Variants in STK32B observed in about 807,000 individuals in gnomAD.
STK32B encodes serine/threonine kinase 32B.
Under a neutral mutation model 52.6 loss-of-function variants are expected in STK32B, and 43 were observed. The ratio of observed to expected loss-of-function variants is 0.82; its 90% CI spans 0.64 to 1.05. STK32B has a LOEUF of 1.05. Ranked by LOEUF, STK32B falls within the 50% of genes least tolerant of loss-of-function variation. STK32B has a pLI of 0.00. For synonymous variants in STK32B, 238 were observed against 204.3 expected (o/e 1.17, Z -1.41); for missense variants, 621 against 534.6 (o/e 1.16, Z -1.59).
intron 8 of STK32B, among the ~76,000 whole-genome samples, chr4:5,459,290 C>G (rs1044054193): frequency 4.7e-5 from 7 of 149,812 alleles, no homozygotes; most frequent in African/African-American, 9.9e-5. Context: ...GTGCCCCCCC[C>G]CCCCACCTTT....
At chr4:5,334,535 G>A (rs1329954924) in intron 4 of STK32B, among the ~76,000 whole-genome samples, 2 of 152,146 alleles carry the variant, frequency 1.3e-5, no homozygotes, top group African/African-American at 2.4e-5. Context: ...TGGTGAGAGA[G>A]GGCATCCGTG....
At chr4:5,215,495 T>C (rs1452007832) in intron 3 of STK32B, among the ~76,000 whole-genome samples, 9 of 152,196 alleles carry the variant, frequency 5.9e-5, no homozygotes. Context: ...CCTTTTGATT[T>C]CCAATAGAGG....
intron 3 of STK32B, among the ~76,000 whole-genome samples, chr4:5,240,051 CTTCT>C (rs1724906482): frequency 8.3e-6 from 1 of 120,116 alleles, no homozygotes; most frequent in South Asian, 2.4e-4. Flanking sequence ...CTTCATTTCT[CTTCT>C]CTCTCTCTCT....
intron 3 of STK32B, among the ~76,000 whole-genome samples, chr4:5,262,541 C>T (rs887962662): frequency 2.0e-5 from 3 of 150,422 alleles, no homozygotes; most frequent in Non-Finnish European, 2.9e-5. Flanking sequence ...AGGAGAATGG[C>T]GTGAACCTGG....
intron 3 of STK32B, among the ~76,000 whole-genome samples, chr4:5,287,829 A>G (rs1043728010): frequency 6.6e-6 from 1 of 152,284 alleles, no homozygotes; most frequent in South Asian, 2.1e-4. Flanking sequence ...AGTTTTTAAT[A>G]TATTCAGAGT....
chr4:5,335,175 G>T (rs1732569183), intron 4 of STK32B, among the ~76,000 whole-genome samples: 1 of 152,212 alleles, frequency 6.6e-6, no homozygotes, highest in South Asian at 2.1e-4. Context: ...GATCTATTCA[G>T]AGATTCATCT....
rs890308847 is a variant in STK32B at position 5,148,380 on chromosome 4, A to G, written c.108+8420A>G. Among the ~76,000 whole-genome samples, 12 of 151,950 alleles carry G rather than the reference A, an allele frequency of 7.9e-5. No homozygotes were observed. In the East Asian group the frequency reaches 2.3e-3, roughly 29 times the overall value. On this transcript the variant is annotated intron_variant, in intron 2 of 11. Transcript: ENST00000282908. The stretch of plus-strand genomic sequence containing the variant: ...TGTTCTAATATAAGCATTTTAAGCT[A>G]TAAATTTTCCTCTAAGGACTGCTTA...
At chr4:5,315,069 C>G (rs1730572434) in intron 3 of STK32B, among the ~76,000 whole-genome samples, 1 of 151,982 alleles carries the variant, frequency 6.6e-6, no homozygotes, top group Non-Finnish European at 1.5e-5. Context: ...ATTTGCAAAC[C>G]ACATATTTGA....
intron 11 of STK32B, 61 bp from the exon 12 acceptor site, chr4:5,498,884 C>G (rs1347521884): frequency 6.5e-7 from 1 of 1,536,406 alleles, no homozygotes; most frequent in Non-Finnish European, 8.8e-7. Context: ...CAGTGTGTCT[C>G]CTGGATGTGC....
At chr4:5,019,688 C>A in the STK32B span, among the ~76,000 whole-genome samples, 1 of 152,108 alleles carries the variant, frequency 6.6e-6, no homozygotes, top group African/African-American at 2.4e-5. Context: ...GGCTTTGCCT[C>A]CCCCACACTT....
At chr4:5,331,119 C>T (rs1178970500) in intron 3 of STK32B, 101 bp from the exon 4 acceptor site, 1 of 1,203,080 alleles carries the variant, frequency 8.3e-7, no homozygotes, top group Non-Finnish European at 1.2e-6. Flanking sequence ...CAGTGCCTCT[C>T]TCTGAGCCTC....
At chr4:5,100,000 TAA>T (rs111555214) in intron 1 of STK32B, among the ~76,000 whole-genome samples, 1 of 139,654 alleles carries the variant, frequency 7.2e-6, no homozygotes. Flanking sequence ...TTCAGTTCTT[TAA>T]AAAAAAAAAA....
chr4:5,421,985 G>T (rs757507465), intron 6 of STK32B, among the ~76,000 whole-genome samples: 71 of 152,176 alleles, frequency 4.7e-4, no homozygotes, highest in Non-Finnish European at 5.1e-4. Flanking sequence ...CTGCCTTTTT[G>T]ACACTGAGCT....
intron 7 of STK32B, among the ~76,000 whole-genome samples, chr4:5,455,324 T>C (rs1716401161): frequency 6.6e-6 from 1 of 152,222 alleles, no homozygotes; most frequent in African/African-American, 2.4e-5. Flanking sequence ...CCACACAACA[T>C]GTAGGCTCGA....
chr4:5,021,382 G>T, the STK32B span, among the ~76,000 whole-genome samples: 1 of 152,216 alleles, frequency 6.6e-6, no homozygotes, highest in Non-Finnish European at 1.5e-5. Context: ...GTGTGTGCTT[G>T]GAGGTGGCAA....
chr4:5,181,368 A>ACAC (rs55675121), intron 3 of STK32B, among the ~76,000 whole-genome samples: 17 of 95,466 alleles, frequency 1.8e-4, no homozygotes, highest in African/African-American at 4.3e-4. Flanking sequence ...ACACACACAC[A>ACAC]GAGATCTCAT....
intron 3 of STK32B, among the ~76,000 whole-genome samples, chr4:5,256,402 G>T (rs975480704): frequency 6.6e-6 from 1 of 152,208 alleles, no homozygotes; most frequent in Non-Finnish European, 1.5e-5. Flanking sequence ...TGGTTGTGGG[G>T]TATGGATCTG....
At chr4:5,069,396 C>T (rs1295426587) in intron 1 of STK32B, among the ~76,000 whole-genome samples, 2 of 152,076 alleles carry the variant, frequency 1.3e-5, no homozygotes, top group African/African-American at 2.4e-5. Context: ...GTTCCACCTT[C>T]CAGCCCAGCT....
Position 5,140,928 on chromosome 4 carries a change from A to G in STK32B, c.108+968A>G, listed in dbSNP as rs187320692. ...AAAAAATGAGAGAGATGCGAAACAG[A>G]TAATTGTATACCTTTATGGTACATT... On this transcript the variant is annotated intron_variant, in intron 2 of 11. Transcript: ENST00000282908. Among the ~76,000 whole-genome samples, 5 of 152,328 alleles carry G rather than the reference A, an allele frequency of 3.3e-5. No homozygotes were observed. In the East Asian group the frequency reaches 9.7e-4, roughly 29 times the overall value.
Sources: allele counts gnomAD v4.1 joint callset (sites outside exome capture counted in the v4.1 genomes callset), GRCh38; gene constraint gnomAD v4.1.1; transcripts MANE v1.5; gene names NCBI Gene and HGNC (gene_info 2026-07-23, HGNC 2026-07-21).